PDIK1L: variants seen among roughly 807,000 people sequenced by gnomAD.
The protein encoded by PDIK1L is serine/threonine-protein kinase PDIK1L.
Under a neutral mutation model 27.1 loss-of-function variants are expected in PDIK1L, and 9 were observed. That is an observed-to-expected ratio of 0.33 (90% confidence interval 0.20 to 0.58). The LOEUF (loss-of-function observed/expected upper bound fraction) is 0.58, where lower values mean the gene tolerates loss of function less well. Among genes scored for constraint, PDIK1L ranks in the 20% least tolerant of loss-of-function variants. The pLI is 0.86. For missense variants in PDIK1L, 216 were observed against 413.2 expected (o/e 0.52, Z 4.14); for synonymous variants, 130 against 141.7 (o/e 0.92, Z 0.59).
chr1:26,120,020 A>G (rs913796930), intron 2 of PDIK1L, among the ~76,000 whole-genome samples: 1 of 152,236 alleles, frequency 6.6e-6, no homozygotes, highest in African/African-American at 2.4e-5. Flanking sequence ...GCCTCAGTCA[A>G]GAGAAATCAA....
At chr1:26,120,327 A>G (rs1281895019) in intron 2 of PDIK1L, among the ~76,000 whole-genome samples, 27 of 152,230 alleles carry the variant, frequency 1.8e-4, no homozygotes, top group Non-Finnish European at 2.9e-5. Flanking sequence ...GAGTAAAGAC[A>G]GAAGAAGAAA....
Position 26,124,328 on chromosome 1 carries a change from TAATA to T in PDIK1L, c.*1756_*1759del, listed in dbSNP as rs924746263. On this transcript the variant is annotated 3_prime_UTR_variant, in exon 3 of 3. Coordinates refer to ENST00000374269, the MANE Select transcript of PDIK1L (RefSeq NM_152835.5). Reference sequence around the variant, plus strand: ...TATACTTTTAACATCACTTTTAAGCTAATAAATATAAGAATTCTTTTGGAAATTA... The same window carrying T: ...TATACTTTTAACATCACTTTTAAGCTAATATAAGAATTCTTTTGGAAATTA... 1 of 152,178 alleles carries T rather than the reference TAATA, an allele frequency of 6.6e-6. No homozygotes were observed. The highest frequency in any genetic ancestry group is 1.5e-5 in the Non-Finnish European group (1 of 67,998). The allele number at this position is 152,178 out of a possible 1,614,324, so 9.4% of individuals were successfully genotyped here.
At position 26,123,440 on chromosome 1, in the gene PDIK1L, T is replaced by C. The variant is rs944878569; in HGVS notation, c.*863T>C. 6.6e-6 allele frequency: 1 copy of C among 152,648 alleles called. No homozygotes were observed. The highest frequency in any genetic ancestry group is 2.4e-5 in the African/African-American group (1 of 41,452). 9.5% of individuals were successfully genotyped at this position (152,648 alleles called of 1,614,324 possible). A position where few individuals can be genotyped will look rare whatever the true frequency, so the allele number is the denominator to read the frequency against. ...GCATTGGGACGTCTGCACTTGAGCT[T>C]CTACAATCTGATATAAATCTGAATA... On this transcript the variant is annotated 3_prime_UTR_variant, in exon 3 of 3. Coordinates refer to ENST00000374269, the MANE Select transcript of PDIK1L (RefSeq NM_152835.5).
rs1474894962 is a variant in PDIK1L at position 26,124,233 on chromosome 1, C to G, written c.*1656C>G. 6.6e-6 allele frequency: 1 copy of G among 152,330 alleles called. No homozygotes were observed. Among genetic ancestry groups the G allele is most frequent in the Non-Finnish European group, 1.5e-5 (1 of 67,982 alleles). 9.4% of individuals were successfully genotyped at this position (152,330 alleles called of 1,614,324 possible). A position where few individuals can be genotyped will look rare whatever the true frequency, so the allele number is the denominator to read the frequency against. ...TAAAATTTCTGGACTATGTTAGTTA[C>G]TTGATCTGGAAGTTTAAAATTTGGA... On this transcript the variant is annotated 3_prime_UTR_variant, in exon 3 of 3. Transcript: ENST00000374269.
rs1007508136 is a variant in PDIK1L at position 26,124,315 on chromosome 1, A to T, written c.*1738A>T. 6.6e-6 allele frequency: 1 copy of T among 152,214 alleles called. No homozygotes were observed. Among genetic ancestry groups the T allele is most frequent in the Non-Finnish European group, 1.5e-5 (1 of 68,028 alleles). 9.4% of individuals were successfully genotyped at this position (152,214 alleles called of 1,614,324 possible). A position where few individuals can be genotyped will look rare whatever the true frequency, so the allele number is the denominator to read the frequency against. On this transcript the variant is annotated 3_prime_UTR_variant, in exon 3 of 3. Coordinates refer to ENST00000374269, the MANE Select transcript of PDIK1L (RefSeq NM_152835.5). Reference sequence around the variant, plus strand: ...AAATGAAAAATCATATACTTTTAACATCACTTTTAAGCTAATAAATATAAG... The same window carrying T: ...AAATGAAAAATCATATACTTTTAACTTCACTTTTAAGCTAATAAATATAAG...
At chr1:26,117,020 TTTTTTTTTTTTTTTTTTTTTTTC>T (rs2087888871) in intron 2 of PDIK1L, among the ~76,000 whole-genome samples, 10 of 113,226 alleles carry the variant, frequency 8.8e-5, no homozygotes, top group Admixed American at 8.6e-4. Flanking sequence ...CCAACCTTTT[TTTTTTTTTTTTTTTTTTTTTTTC>T]TTTTTTGAGA....
Position 26,122,668 on chromosome 1 carries a change from A to G in PDIK1L, c.*91A>G. On this transcript the variant is annotated 3_prime_UTR_variant, in exon 3 of 3. Transcript: ENST00000374269. The surrounding 1 kb of genome is among the most constrained non-coding windows in gnomAD (Gnocchi z 5.4). The stretch of plus-strand genomic sequence containing the variant: ...TGGCTGAAAAAGAATATAAAAAGCT[A>G]GACTCTACCCTCTAAGGGTTTAGAT... 6.9e-7 allele frequency: 1 copy of G among 1,448,476 alleles called. No homozygotes were observed. The allele number at this position is 1,448,476 out of a possible 1,614,324, so 89.7% of individuals were successfully genotyped here. A position where few individuals can be genotyped will look rare whatever the true frequency, so the allele number is the denominator to read the frequency against.
intron 2 of PDIK1L, among the ~76,000 whole-genome samples, chr1:26,120,661 A>G (rs185225565): frequency 7.9e-5 from 12 of 152,346 alleles, no homozygotes; most frequent in Admixed American, 2.6e-4. Context: ...CTTTTAAAAG[A>G]CAATATACGG....
rs1330907590 is a variant in PDIK1L at position 26,123,223 on chromosome 1, T to A, written c.*646T>A. ...TACAGCTTTTTTTTTAAGGCATCAT[T>A]TTCGAGGGTCTAAAATTATCTGGTA... is the stretch of plus-strand genomic sequence containing the variant. On this transcript the variant is annotated 3_prime_UTR_variant, in exon 3 of 3. Transcript: ENST00000374269. 2.0e-5 allele frequency: 3 copies of A among 151,948 alleles called. No homozygotes were observed. In the Admixed American group the frequency reaches 2.0e-4, roughly 10 times the overall value. The allele number at this position is 151,948 out of a possible 1,614,324, so 9.4% of individuals were successfully genotyped here. A position where few individuals can be genotyped will look rare whatever the true frequency, so the allele number is the denominator to read the frequency against.
intron 2 of PDIK1L, among the ~76,000 whole-genome samples, chr1:26,121,066 A>T (rs17184891): frequency 0.17 from 25,154 of 152,186 alleles, 2,255 homozygotes; most frequent in Middle Eastern, 0.23. Flanking sequence ...AATAATAACA[A>T]ATAAAACTGT....
rs949884455 is a variant in PDIK1L, at chr1:26,116,110, G to A, written c.285+1517G>A. Among the ~76,000 whole-genome samples the A allele has an allele frequency of 2.0e-5, 3 of 151,908 alleles. No individual in the cohort carries two copies. In the South Asian group the frequency reaches 6.2e-4, roughly 32 times the overall value. Reference sequence around the variant, plus strand: ...CCTAACTACTCAGAAGCCTGAGGCCGGAGAATCTCTTGAATCCAGGAGGCA... The same window carrying A: ...CCTAACTACTCAGAAGCCTGAGGCCAGAGAATCTCTTGAATCCAGGAGGCA... On this transcript the variant is annotated intron_variant, in intron 2 of 2. Coordinates refer to ENST00000374269, the MANE Select transcript of PDIK1L (RefSeq NM_152835.5).
upstream of PDIK1L, chr1:26,111,187 GC>G: frequency 6.4e-6 from 1 of 156,608 alleles, no homozygotes. The surrounding 1 kb of genome is among the most constrained non-coding windows in gnomAD (Gnocchi z 4.0). Context: ...CCAGCCCCGC[GC>G]CGCCGCCGCC....
At chr1:26,111,637 G>A (rs1040725539), upstream of PDIK1L, among the ~76,000 whole-genome samples, 2 of 151,478 alleles carry the variant, frequency 1.3e-5, no homozygotes, top group Non-Finnish European at 3.0e-5. The surrounding 1 kb of genome is among the most constrained non-coding windows in gnomAD (Gnocchi z 4.0). Context: ...TCCGGAGCGC[G>A]CACACCTCCG....
intron 2 of PDIK1L, among the ~76,000 whole-genome samples, chr1:26,118,117 A>G (rs1291062744): frequency 6.6e-6 from 1 of 152,148 alleles, no homozygotes; most frequent in East Asian, 1.9e-4. Flanking sequence ...TTAGAGACTA[A>G]GAGGCATGAT....
At chr1:26,113,935 G>A (rs533492044) in intron 1 of PDIK1L, among the ~76,000 whole-genome samples, 10 of 152,236 alleles carry the variant, frequency 6.6e-5, no homozygotes, top group African/African-American at 1.9e-4. Context: ...GCAGATGGCC[G>A]GGTTTCAAAT....
chr1:26,112,205 G>T (rs552623042), intron 1 of PDIK1L, among the ~76,000 whole-genome samples: 5 of 152,230 alleles, frequency 3.3e-5, no homozygotes, highest in Admixed American at 6.5e-5. Flanking sequence ...GCACGGCCGA[G>T]GAGGGGGAGG....
In PDIK1L at chr1:26,122,632, G is replaced by A; in HGVS notation, c.*55G>A. On this transcript the variant is annotated 3_prime_UTR_variant, in exon 3 of 3. Transcript: ENST00000374269. The surrounding 1 kb of genome is among the most constrained non-coding windows in gnomAD (Gnocchi z 5.4). ...TATGCTGCTTCTGTTTAACAGTGAT[G>A]CAACATTATGTGGCTGAAAAAGAAT... is the stretch of plus-strand genomic sequence containing the variant. 6.6e-7 allele frequency: 1 copy of A among 1,523,252 alleles called. No individual in the cohort carries two copies. 94.4% of individuals were successfully genotyped at this position (1,523,252 alleles called of 1,614,324 possible). A position where few individuals can be genotyped will look rare whatever the true frequency, so the allele number is the denominator to read the frequency against.
At position 26,114,473 on chromosome 1, in the gene PDIK1L, G is replaced by A; in HGVS notation, c.165G>A (p.Trp55Ter). The change falls in exon 2 of 3, where the codon TGG (tryptophan) becomes TGA (stop). Residue 55 changes from tryptophan (W) to a stop codon, truncating the protein, a stop_gained. Coordinates refer to ENST00000374269, the MANE Select transcript of PDIK1L (RefSeq NM_152835.5). LOFTEE classifies it high-confidence loss of function. The surrounding 1 kb of genome is among the most constrained non-coding windows in gnomAD (Gnocchi z 4.8). ...ENVELALREF[W>*]ALSSIKSQHP... ...TTGAACTAGCCCTTCGTGAGTTCTG[G>A]GCACTAAGCAGTATCAAGAGCCAAC... 1 of 1,614,088 alleles carries A rather than the reference G, an allele frequency of 6.2e-7. No individual in the cohort carries two copies. Among genetic ancestry groups the A allele is most frequent in the Middle Eastern group, 1.6e-4 (1 of 6,062 alleles).
intron 2 of PDIK1L, among the ~76,000 whole-genome samples, chr1:26,115,473 A>T (rs148799120): frequency 6.6e-6 from 1 of 152,236 alleles, no homozygotes; most frequent in Non-Finnish European, 1.5e-5. Context: ...ATTAAGACAT[A>T]GCTTGTTAAA....
Sources: allele counts gnomAD v4.1 joint callset (sites outside exome capture counted in the v4.1 genomes callset), GRCh38; gene constraint gnomAD v4.1.1; non-coding constraint Gnocchi (gnomAD v3.1); transcripts MANE v1.5; gene names NCBI Gene and HGNC (gene_info 2026-07-23, HGNC 2026-07-21).